COPS7A: variants seen among roughly 807,000 people sequenced by gnomAD.
The protein encoded by COPS7A is COP9 signalosome complex subunit 7a.
In COPS7A, 20 loss-of-function variants were observed where a neutral mutation model predicts 35.2. That is an observed-to-expected ratio of 0.57 (90% CI 0.40 to 0.83). The LOEUF (loss-of-function observed/expected upper bound fraction) is 0.83. COPS7A is among the 40% of genes least tolerant of loss of function. The pLI is 0.00. For missense variants in COPS7A, 247 were observed against 347.5 expected (o/e 0.71, Z 2.30); for synonymous variants, 139 against 141.4 (o/e 0.98, Z 0.12).
In COPS7A at chr12:6,725,157, C is replaced by CTT. The variant is rs60514531; in HGVS notation, c.162+355_162+356dup. On this transcript the variant is annotated intron_variant, in intron 2 of 7. Transcript: ENST00000543155. ...TTTTGTTTTAGGGCTTCAGCTTTCT[C>CTT]TTTTTTTTTTTTTTTTTGAGACGGA... Among the ~76,000 whole-genome samples, 283 of 139,558 alleles carry CTT rather than the reference C, an allele frequency of 2.0e-3. 1 individual carries two copies. The highest frequency in any genetic ancestry group is 2.4e-3 in the Non-Finnish European group (155 of 63,994). 91.6% of individuals were successfully genotyped at this position (139,558 alleles called of 152,430 possible). A position where few individuals can be genotyped will look rare whatever the true frequency, so the allele number is the denominator to read the frequency against.
At chr12:6,727,026 A>G (rs1458184112) in intron 2 of COPS7A, among the ~76,000 whole-genome samples, 1 of 152,226 alleles carries the variant, frequency 6.6e-6, no homozygotes, top group African/African-American at 2.4e-5. Context: ...AACCTTCTGC[A>G]AGGATTGATT....
In COPS7A at chr12:6,729,361, C is replaced by T. The variant is rs778026596; in HGVS notation, c.442C>T (p.Arg148Cys). ...ADVLRGSLDQ[R>C]NQRLEVDYSI... ...CGTGCTTCGTGGCTCCCTGGACCAG[C>T]GCAACCAGCGGCTCGAGGTTGACTA... The change falls in exon 5 of 8, where the codon CGC (arginine) becomes TGC (cysteine). Residue 148 changes from arginine (R) to cysteine (C), a missense_variant. Coordinates refer to ENST00000543155, the MANE Select transcript of COPS7A (RefSeq NM_001164094.2). The surrounding 1 kb of genome is among the most constrained non-coding windows in gnomAD (Gnocchi z 4.2). 8.1e-6 allele frequency: 13 copies of T among 1,614,040 alleles called. 1 individual carries two copies. The highest frequency in any genetic ancestry group is 4.5e-5 in the East Asian group (2 of 44,896).
At chr12:6,726,859 T>C (rs984460226) in intron 2 of COPS7A, among the ~76,000 whole-genome samples, 4 of 152,204 alleles carry the variant, frequency 2.6e-5, no homozygotes, top group African/African-American at 9.6e-5. Context: ...CTTACCCTTC[T>C]GAAGCTTGCA....
At chr12:6,727,778 A>G in intron 2 of COPS7A, 148 bp from the exon 3 acceptor site, 1 of 731,194 alleles carries the variant, frequency 1.4e-6, no homozygotes, top group Non-Finnish European at 2.5e-6. Context: ...AAGAGTGATC[A>G]GAGAGGCAGA....
rs1941288764 is a variant in COPS7A at position 6,727,598 on chromosome 12, A to G, written c.163-328A>G. 3 of 490,804 alleles carry G rather than the reference A, an allele frequency of 6.1e-6. No individual in the cohort carries two copies. The Admixed American group carries it at 7.0e-5, about 12-fold the overall frequency. The allele number at this position is 490,804 out of a possible 1,614,324, so 30.4% of individuals were successfully genotyped here. Reference sequence around the variant, plus strand: ...AACATCAAACACTCTGAGGGCAGGCAACACAATTTGCAGTGTCTGGTGTGT... The same window carrying G: ...AACATCAAACACTCTGAGGGCAGGCGACACAATTTGCAGTGTCTGGTGTGT... On this transcript the variant is annotated intron_variant, in intron 2 of 7. Transcript: ENST00000543155.
intron 2 of COPS7A, among the ~76,000 whole-genome samples, chr12:6,726,266 C>T (rs1482708025): frequency 2.7e-5 from 4 of 150,076 alleles, no homozygotes; most frequent in South Asian, 2.1e-4. Context: ...CCAGTCTGGG[C>T]GACAGAGCGA....
At chr12:6,726,495 G>A (rs1307455226) in intron 2 of COPS7A, among the ~76,000 whole-genome samples, 2 of 151,886 alleles carry the variant, frequency 1.3e-5, no homozygotes, top group African/African-American at 2.4e-5. Flanking sequence ...CCAGCTACTC[G>A]GGAGGCTGAG....
At position 6,731,027 on chromosome 12, in the gene COPS7A, C is replaced by T. The variant is rs1203226765; in HGVS notation, c.816C>T (p.Ser272=). Residue 272 remains serine, a synonymous_variant, in exon 8 of 8, where the codon TCC becomes TCT. Coordinates refer to ENST00000543155, the MANE Select transcript of COPS7A (RefSeq NM_001164094.2). ...TCCGAGGGAGCGCCAAGATTTGGTC[C>T]AAGTCGAATTGAAAGGACTGTCGTT... is the stretch of plus-strand genomic sequence containing the variant. ...KGLRGSAKIW[S]KSN 6.2e-7 allele frequency: 1 copy of T among 1,613,964 alleles called. No individual in the cohort carries two copies. The highest frequency in any genetic ancestry group is 1.1e-5 in the South Asian group (1 of 91,084).
rs780036096 is a variant in COPS7A, at chr12:6,724,641, C to T, written c.-16C>T. 6.2e-6 allele frequency: 10 copies of T among 1,613,874 alleles called. No homozygotes were observed. Among genetic ancestry groups the T allele is most frequent in the South Asian group, 2.2e-5 (2 of 91,060 alleles). ...CTGGACATCCTGAGCCCAAGTCCCC[C>T]ACACTCAGTGCAGTGATGAGTGCGG... On this transcript the variant is annotated 5_prime_UTR_variant, in exon 2 of 8. Coordinates refer to ENST00000543155, the MANE Select transcript of COPS7A (RefSeq NM_001164094.2).
chr12:6,729,594 T>C lies in COPS7A; in HGVS notation c.530+145T>C. ...AAATGAGTTCATCCCTCCAAAGGCT[T>C]CTGGGGAATGCAGGAGTAGGGGAGG... On this transcript the variant is annotated intron_variant, in intron 5 of 7. Coordinates refer to ENST00000543155, the MANE Select transcript of COPS7A (RefSeq NM_001164094.2). The surrounding 1 kb of genome is among the most constrained non-coding windows in gnomAD (Gnocchi z 4.2). 1.2e-6 allele frequency: 1 copy of C among 863,122 alleles called. No homozygotes were observed. The highest frequency in any genetic ancestry group is 1.7e-5 in the African/African-American group (1 of 59,146). 53.5% of individuals were successfully genotyped at this position (863,122 alleles called of 1,614,324 possible). A position where few individuals can be genotyped will look rare whatever the true frequency, so the allele number is the denominator to read the frequency against.
intron 4 of COPS7A, among the ~76,000 whole-genome samples, chr12:6,728,537 G>T (rs1480114026): frequency 6.6e-6 from 1 of 152,110 alleles, no homozygotes; most frequent in Non-Finnish European, 1.5e-5. Flanking sequence ...CATCTTCTGT[G>T]GTTTTGGTCA....
chr12:6,729,124 G>C lies in COPS7A; in HGVS notation c.328-123G>C. 1.1e-6 allele frequency: 1 copy of C among 872,676 alleles called. No individual in the cohort carries two copies. The highest frequency in any genetic ancestry group is 1.9e-6 in the Non-Finnish European group (1 of 539,824). The allele number at this position is 872,676 out of a possible 1,614,324, so 54.1% of individuals were successfully genotyped here. A position where few individuals can be genotyped will look rare whatever the true frequency, so the allele number is the denominator to read the frequency against. On this transcript the variant is annotated intron_variant, in intron 4 of 7. Coordinates refer to ENST00000543155, the MANE Select transcript of COPS7A (RefSeq NM_001164094.2). This position sits in a 1 kb window ranked among gnomAD's most constrained non-coding sequence, Gnocchi z 4.2. ...CTTTAGAACCAGCCTCTTAGAGGAA[G>C]TGATTTAGGAATGGGAGTGGAGGGC... is the stretch of plus-strand genomic sequence containing the variant.
rs1592474547 is a variant in COPS7A, at chr12:6,731,078, G to A, written c.*39G>A. 8 of 1,613,702 alleles carry A rather than the reference G, an allele frequency of 5.0e-6. No homozygotes were observed. In the East Asian group the frequency reaches 1.6e-4, roughly 31 times the overall value. On this transcript the variant is annotated 3_prime_UTR_variant, in exon 8 of 8. Coordinates refer to ENST00000543155, the MANE Select transcript of COPS7A (RefSeq NM_001164094.2). ...TCCTCCCTGGGGATGTGGGGTCCCA[G>A]CTGCCTGCCTGCCTCTTAGGAGTCC...
At chr12:6,728,341 T>A (rs377573214) in intron 4 of COPS7A, 30 bp downstream of exon 4, 1 of 1,588,986 alleles carries the variant, frequency 6.3e-7, no homozygotes, top group Non-Finnish European at 8.6e-7. Context: ...TCCTACGGTC[T>A]AGAGCATCCT....
At chr12:6,724,506 C>A in intron 1 of COPS7A, 108 bp from the exon 2 acceptor site, 1 of 912,500 alleles carries the variant, frequency 1.1e-6, no homozygotes, top group Non-Finnish European at 1.8e-6. Flanking sequence ...TGTCTGATTC[C>A]TCACCGCAGA....
rs1385346743 is a variant in COPS7A, at chr12:6,729,496, G to A, written c.530+47G>A. The A allele has an allele frequency of 1.9e-6, 3 of 1,584,942 alleles. No individual in the cohort carries two copies. Among genetic ancestry groups the A allele is most frequent in the Non-Finnish European group, 2.6e-6 (3 of 1,165,946 alleles). On this transcript the variant is annotated intron_variant, in intron 5 of 7. Transcript: ENST00000543155. The surrounding 1 kb of genome is among the most constrained non-coding windows in gnomAD (Gnocchi z 4.2). ...TGTCCCCTTCTCACCCTGAGAAAGAGAAAGGCGCTTCAGGGTGAGAGAGGG... is the reference window on the plus strand; with the variant it reads ...TGTCCCCTTCTCACCCTGAGAAAGAAAAAGGCGCTTCAGGGTGAGAGAGGG...
At chr12:6,727,828 G>A (rs887592208) in intron 2 of COPS7A, 98 bp from the exon 3 acceptor site, 2 of 1,117,010 alleles carry the variant, frequency 1.8e-6, no homozygotes, top group African/African-American at 1.5e-5. Context: ...ACATTGGCCG[G>A]GAAAGATGGG....
At chr12:6,724,918 G>A (rs1941213344) in intron 2 of COPS7A, 100 bp downstream of exon 2, 1 of 1,282,946 alleles carries the variant, frequency 7.8e-7, no homozygotes, top group East Asian at 2.4e-5. Flanking sequence ...TAACCATTCA[G>A]TTGAACAAGA....
In COPS7A at chr12:6,727,965, A is replaced by C. The variant is rs988348156; in HGVS notation, c.202A>C (p.Thr68Pro). The C allele has an allele frequency of 6.2e-7, 1 of 1,614,044 alleles. No homozygotes were observed. Among genetic ancestry groups the C allele is most frequent in the Non-Finnish European group, 8.5e-7 (1 of 1,180,034 alleles). Reference protein sequence around the residue: ...SDFASTFRLLTVFAYGTYADY... With the variant: ...SDFASTFRLLPVFAYGTYADY... ...CTTTGCCTCTACCTTCCGGCTGCTCACAGTGTTTGCTTATGGGACATACGC... is the reference window on the plus strand; with the variant it reads ...CTTTGCCTCTACCTTCCGGCTGCTCCCAGTGTTTGCTTATGGGACATACGC... The change falls in exon 3 of 8, where the codon ACA becomes CCA. Residue 68 changes from threonine (T) to proline (P), a missense_variant. Transcript: ENST00000543155.
Sources: gnomAD v4.1 joint callset for allele counts (sites outside exome capture counted in the v4.1 genomes callset) on GRCh38, gnomAD v4.1.1 for gene constraint, Gnocchi (gnomAD v3.1) non-coding constraint, MANE v1.5 for transcripts, NCBI Gene and HGNC (gene_info 2026-07-23, HGNC 2026-07-21) for gene names.